The following NRG3 variants were observed in gnomAD, a reference collection of about 807,000 sequenced individuals.
NRG3 encodes pro-neuregulin-3, membrane-bound isoform.
Under a neutral mutation model 66.9 loss-of-function variants are expected in NRG3, and 31 were observed. The observed-to-expected ratio is 0.46, with a 90% CI of 0.35 to 0.63. NRG3 has a LOEUF of 0.63. Ranked by LOEUF, NRG3 falls within the 20% of genes least tolerant of loss-of-function variation. The probability of loss-of-function intolerance (pLI) is 0.00; values close to 1 mark genes in which losing one functional copy is unlikely to be tolerated. For missense variants in NRG3, 910 were observed against 878.9 expected (o/e 1.04, Z -0.45); for synonymous variants, 393 against 359.4 (o/e 1.09, Z -1.06).
At chr10:82,397,295 A>T (rs2086775587) in intron 2 of NRG3, among the ~76,000 whole-genome samples, 1 of 152,190 alleles carries the variant, frequency 6.6e-6, no homozygotes, top group African/African-American at 2.4e-5. Flanking sequence ...TGCCTGGTTT[A>T]GAATGCTCAT....
chr10:82,383,403 A>G (rs2085754282), intron 2 of NRG3, among the ~76,000 whole-genome samples: 2 of 147,128 alleles, frequency 1.4e-5, no homozygotes, highest in Admixed American at 1.4e-4. Flanking sequence ...TTACTTATTT[A>G]AACAATTTAT....
chr10:82,290,640 T>G (rs200310350), intron 1 of NRG3, among the ~76,000 whole-genome samples: 20,724 of 85,118 alleles, frequency 0.24, 1,469 homozygotes, highest in African/African-American at 0.43. Context: ...TTCAAATGAT[T>G]TTTTTTTTTT....
Position 82,812,442 on chromosome 10 carries a change from A to T in NRG3, c.1028-52969A>T, listed in dbSNP as rs2061528526. 2.0e-5 allele frequency among the ~76,000 whole-genome samples: 3 copies of T among 152,252 alleles called. No individual in the cohort carries two copies. The South Asian group carries it at 6.2e-4, about 31-fold the overall frequency. On this transcript the variant is annotated intron_variant, in intron 3 of 8. Coordinates refer to ENST00000372141, the MANE Select transcript of NRG3 (RefSeq NM_001010848.4). ...ACTTTGAAATTTACATTTTGACATG[A>T]AGCAAAATAAAATGTTAAGCCTAGT...
At chr10:82,379,168 T>A (rs189993746) in intron 2 of NRG3, among the ~76,000 whole-genome samples, 58 of 152,230 alleles carry the variant, frequency 3.8e-4, no homozygotes, top group African/African-American at 1.4e-3. Context: ...TTGGTAGTGT[T>A]GAGAGGGGTT....
rs75304356 is a variant in NRG3 at position 82,610,531 on chromosome 10, G to C, written c.954-128046G>C. Among the ~76,000 whole-genome samples, 1,244 of 152,194 alleles carry C rather than the reference G, an allele frequency of 8.2e-3. 14 individuals are homozygous for C. Among genetic ancestry groups the C allele is most frequent in the African/African-American group, 0.028 (1,163 of 41,516 alleles). On this transcript the variant is annotated intron_variant, in intron 2 of 8. Coordinates refer to ENST00000372141, the MANE Select transcript of NRG3 (RefSeq NM_001010848.4). ...ATCGCTGCATATTTTAATATAATGT[G>C]CTCAGTGTTCATTATTGTCCAAGTG...
intron 3 of NRG3, among the ~76,000 whole-genome samples, chr10:82,827,923 A>G (rs1327187032): frequency 6.6e-6 from 1 of 152,098 alleles, no homozygotes; most frequent in South Asian, 2.1e-4. Flanking sequence ...TAATATTTCC[A>G]TGTGTTTTCT....
intron 4 of NRG3, among the ~76,000 whole-genome samples, chr10:82,917,910 G>A (rs1845998814): frequency 6.8e-6 from 1 of 147,834 alleles, no homozygotes; most frequent in Non-Finnish European, 1.5e-5. Context: ...GATTAAAATT[G>A]TATTTTTATA....
intron 1 of NRG3, among the ~76,000 whole-genome samples, chr10:82,344,276 A>G (rs970948712): frequency 1.3e-5 from 2 of 150,336 alleles, no homozygotes; most frequent in Admixed American, 1.3e-4. Flanking sequence ...ACGTGATCTC[A>G]TTGTTCAATT....
intron 1 of NRG3, among the ~76,000 whole-genome samples, chr10:82,117,646 C>A (rs74144156): frequency 6.6e-6 from 1 of 151,980 alleles, no homozygotes; most frequent in African/African-American, 2.4e-5. Flanking sequence ...ACCCTTTTTA[C>A]CTGGCAGGGT....
chr10:82,776,741 C>T (rs777356215), intron 3 of NRG3, among the ~76,000 whole-genome samples: 8 of 151,622 alleles, frequency 5.3e-5, no homozygotes, highest in Non-Finnish European at 8.8e-5. Flanking sequence ...TCATTCACCA[C>T]CTTCTTCAAC....
intron 1 of NRG3, among the ~76,000 whole-genome samples, chr10:81,922,157 C>A (rs200894061): frequency 6.6e-6 from 1 of 152,094 alleles, no homozygotes; most frequent in Non-Finnish European, 1.5e-5. Flanking sequence ...GTCATCTCAT[C>A]ATTTGTTAAA....
chr10:82,908,020 A>T (rs1027466101), intron 4 of NRG3, among the ~76,000 whole-genome samples: 1 of 152,220 alleles, frequency 6.6e-6, no homozygotes, highest in Admixed American at 6.5e-5. Flanking sequence ...TTATGAAGAC[A>T]TTATGGATAA....
At chr10:82,329,337 T>C (rs960702909) in intron 1 of NRG3, among the ~76,000 whole-genome samples, 2 of 152,046 alleles carry the variant, frequency 1.3e-5, no homozygotes, top group Non-Finnish European at 2.9e-5. Flanking sequence ...ATAGTTACAT[T>C]GCAAGTTTTT....
intron 1 of NRG3, among the ~76,000 whole-genome samples, chr10:82,189,255 G>A (rs2073992844): frequency 6.6e-6 from 1 of 152,046 alleles, no homozygotes; most frequent in Non-Finnish European, 1.5e-5. Context: ...AACTCTATGA[G>A]AAAATAAATC....
rs1327137942 is a variant in NRG3 at position 82,518,619 on chromosome 10, T to C, written c.953+159751T>C. Among the ~76,000 whole-genome samples the C allele has an allele frequency of 3.3e-5, 5 of 152,200 alleles. No homozygotes were observed. The East Asian group carries it at 9.6e-4, about 29-fold the overall frequency. Reference sequence around the variant, plus strand: ...TGGAAGTAATTTTCTCTGGCTAGGCTTGTATTTTTATTATGATATGTGAAG... The same window carrying C: ...TGGAAGTAATTTTCTCTGGCTAGGCCTGTATTTTTATTATGATATGTGAAG... On this transcript the variant is annotated intron_variant, in intron 2 of 8. Coordinates refer to ENST00000372141, the MANE Select transcript of NRG3 (RefSeq NM_001010848.4).
intron 1 of NRG3, among the ~76,000 whole-genome samples, chr10:82,294,523 C>T (rs763417169): frequency 4.0e-5 from 6 of 151,812 alleles, no homozygotes; most frequent in Non-Finnish European, 5.9e-5. Flanking sequence ...CTGCCACCTC[C>T]GTATTGTGCT....
chr10:82,476,377 G>A (rs1463505757), intron 2 of NRG3, among the ~76,000 whole-genome samples: 3 of 152,148 alleles, frequency 2.0e-5, no homozygotes, highest in Non-Finnish European at 2.9e-5. Context: ...ATAATTGAAA[G>A]CAGGGACTTC....
At chr10:82,673,790 C>G (rs1324360661) in intron 2 of NRG3, among the ~76,000 whole-genome samples, 1 of 152,102 alleles carries the variant, frequency 6.6e-6, no homozygotes, top group Non-Finnish European at 1.5e-5. Flanking sequence ...AAAGTTAGGT[C>G]TGGAGCTCAA....
At chr10:82,897,815 C>T (rs925731261) in intron 4 of NRG3, among the ~76,000 whole-genome samples, 3 of 152,314 alleles carry the variant, frequency 2.0e-5, no homozygotes, top group Non-Finnish European at 2.9e-5. Context: ...CCACTGCGCC[C>T]TGCTAGAACT....
Sources: gnomAD v4.1 joint callset for allele counts (sites outside exome capture counted in the v4.1 genomes callset) on GRCh38, gnomAD v4.1.1 for gene constraint, MANE v1.5 for transcripts, NCBI Gene and HGNC (gene_info 2026-07-23, HGNC 2026-07-21) for gene names.